EBF4: variants seen among roughly 807,000 people sequenced by gnomAD.
EBF4 encodes EBF transcription factor 4, also known as transcription factor COE4.
In EBF4, 34 loss-of-function variants were observed where a neutral mutation model predicts 67.1. The observed-to-expected ratio is 0.51, with a 90% CI of 0.39 to 0.67. The LOEUF (loss-of-function observed/expected upper bound fraction) is 0.67, where lower values mean the gene tolerates loss of function less well. Ranked by LOEUF, EBF4 falls within the 30% of genes least tolerant of loss-of-function variation. The pLI, the probability that EBF4 is intolerant of heterozygous loss-of-function variation, is 0.00. For missense variants in EBF4, 837 were observed against 873.3 expected (o/e 0.96, Z 0.52); for synonymous variants, 387 against 377.7 (o/e 1.02, Z -0.29).
Position 2,751,680 on chromosome 20 carries a change from A to G in EBF4, c.1019-20A>G. On this transcript the variant is annotated intron_variant, in intron 10 of 16. Coordinates refer to ENST00000609451, the Ensembl canonical transcript of EBF4. The surrounding 1 kb of genome is among the most constrained non-coding windows in gnomAD (Gnocchi z 5.2). ...GGGGCTGCGGGGGAGACGTCCTCCAAACGCCGCCCCCTTCCCCAGCTCTGA... is the reference window on the plus strand; with the variant it reads ...GGGGCTGCGGGGGAGACGTCCTCCAGACGCCGCCCCCTTCCCCAGCTCTGA... The G allele has an allele frequency of 6.5e-7, 1 of 1,549,980 alleles. No individual in the cohort carries two copies. The highest frequency in any genetic ancestry group is 8.7e-7 in the Non-Finnish European group (1 of 1,146,438).
chr20:2,695,776 C>G (rs538290389), intron 1 of EBF4, among the ~76,000 whole-genome samples: 7 of 152,362 alleles, frequency 4.6e-5, no homozygotes, highest in Admixed American at 2.0e-4. Context: ...GGCCCTGCCT[C>G]CGCCTTCATC....
intron 6 of EBF4, among the ~76,000 whole-genome samples, chr20:2,733,286 TATATATG>T (rs1443545250): frequency 3.3e-5 from 5 of 152,194 alleles, no homozygotes; most frequent in African/African-American, 1.2e-4. Context: ...AAGGATTCCT[TATATATG>T]ACGAGTTACT....
chr20:2,736,762 G>A (rs1568580532), intron 6 of EBF4, among the ~76,000 whole-genome samples: 2 of 152,176 alleles, frequency 1.3e-5, no homozygotes, highest in Non-Finnish European at 2.9e-5. Flanking sequence ...GAGAAGCAGA[G>A]GGGGTTCAAG....
In EBF4 at chr20:2,739,983, G is replaced by C. The variant is rs2087944157; in HGVS notation, c.558-8566G>C. ...TTTCTAGATCTGCACTGTCCAATAT[G>C]GTAGTCTCGAGCCACATGTGACTAT... On this transcript the variant is annotated intron_variant, in intron 6 of 16. Transcript: ENST00000609451. This position sits in a 1 kb window ranked among gnomAD's most constrained non-coding sequence, Gnocchi z 4.5. 6.6e-6 allele frequency among the ~76,000 whole-genome samples: 1 copy of C among 152,194 alleles called. No individual in the cohort carries two copies. Among genetic ancestry groups the C allele is most frequent in the South Asian group, 2.1e-4 (1 of 4,834 alleles).
At chr20:2,700,267 A>AT (rs1181502025) in intron 1 of EBF4, among the ~76,000 whole-genome samples, 1 of 151,552 alleles carries the variant, frequency 6.6e-6, no homozygotes, top group Non-Finnish European at 1.5e-5. Flanking sequence ...GTGTTTCCGA[A>AT]TCACTGCCCA....
intron 6 of EBF4, among the ~76,000 whole-genome samples, chr20:2,732,413 C>T (rs1473692002): frequency 4.6e-5 from 7 of 152,234 alleles, no homozygotes; most frequent in Non-Finnish European, 7.3e-5. Flanking sequence ...TGAGCCACCA[C>T]ACCCGGACTG....
intron 14 of EBF4, among the ~76,000 whole-genome samples, chr20:2,752,882 A>AC (rs1455144424): frequency 1.3e-5 from 2 of 152,150 alleles, no homozygotes; most frequent in Non-Finnish European, 2.9e-5. Flanking sequence ...AACCTGGGAC[A>AC]CCGCCCCCTT....
rs2088142788 is a variant in EBF4 at position 2,751,387 on chromosome 20, A to G, written c.1019-313A>G. 6.6e-6 allele frequency among the ~76,000 whole-genome samples: 1 copy of G among 152,216 alleles called. No individual in the cohort carries two copies. Among genetic ancestry groups the G allele is most frequent in the African/African-American group, 2.4e-5 (1 of 41,450 alleles). On this transcript the variant is annotated intron_variant, in intron 10 of 16. Transcript: ENST00000609451. The surrounding 1 kb of genome is among the most constrained non-coding windows in gnomAD (Gnocchi z 5.2). Reference sequence around the variant, plus strand: ...AGTCCTGCCCTTAGGACTATAACTCATATGTGTATACGGTTTCCCTTTTTT... The same window carrying G: ...AGTCCTGCCCTTAGGACTATAACTCGTATGTGTATACGGTTTCCCTTTTTT...
At chr20:2,708,120 C>A in intron 5 of EBF4, 100 bp downstream of exon 5, 3 of 1,246,420 alleles carry the variant, frequency 2.4e-6, no homozygotes, top group Non-Finnish European at 2.2e-6. Context: ...CCTGGCTGCT[C>A]TCTGCTGCTG....
chr20:2,707,597 G>A lies in EBF4; in HGVS notation c.415-350G>A, dbSNP rs752979432. 5.2e-4 allele frequency among the ~76,000 whole-genome samples: 79 copies of A among 152,030 alleles called. No homozygotes were observed. The highest frequency in any genetic ancestry group is 7.5e-4 in the Non-Finnish European group (51 of 67,982). ...AGGAGGATGCTGGGGGAGGGGAGGG[G>A]CCTGGTGCTGGGTGGGCACAGGAGT... On this transcript the variant is annotated intron_variant, in intron 4 of 16. Transcript: ENST00000609451. The surrounding 1 kb of genome is among the most constrained non-coding windows in gnomAD (Gnocchi z 4.6).
intron 6 of EBF4, among the ~76,000 whole-genome samples, chr20:2,713,202 A>G (rs1447792719): frequency 6.6e-6 from 1 of 152,210 alleles, no homozygotes; most frequent in African/African-American, 2.4e-5. Context: ...TTGCTGAAGC[A>G]ATATCCTTCA....
chr20:2,709,592 G>A (rs759395586), exon 6 of EBF4: 5 of 1,558,002 alleles, frequency 3.2e-6, no homozygotes, highest in Non-Finnish European at 3.5e-6. Context: ...GTGACCGGAA[G>A]AGCTGTGGCA....
At chr20:2,754,976 C>CCT (rs1555789868) in intron 14 of EBF4, 2 of 114,684 alleles carry the variant, frequency 1.7e-5, no homozygotes, top group African/African-American at 5.7e-5. Context: ...GACCACCCCC[C>CCT]CCCACAGGGC....
At chr20:2,754,691 G>T (rs2088209017) in intron 14 of EBF4, among the ~76,000 whole-genome samples, 1 of 152,178 alleles carries the variant, frequency 6.6e-6, no homozygotes, top group African/African-American at 2.4e-5. Context: ...TCAGATCACA[G>T]CCTTACCAGT....
chr20:2,706,904 G>A lies in EBF4; in HGVS notation c.414+640G>A, dbSNP rs547979712. Among the ~76,000 whole-genome samples, 5 of 152,312 alleles carry A rather than the reference G, an allele frequency of 3.3e-5. No homozygotes were observed. The East Asian group carries it at 5.8e-4, about 18-fold the overall frequency. The stretch of plus-strand genomic sequence containing the variant: ...TGCACCTTGCTGATGTGACGGTTAC[G>A]GGAAGGAGGCTCAGAGGCCAGCACA... On this transcript the variant is annotated intron_variant, in intron 4 of 16. Transcript: ENST00000609451.
At chr20:2,727,740 T>C (rs1321072089) in intron 6 of EBF4, among the ~76,000 whole-genome samples, 2 of 152,228 alleles carry the variant, frequency 1.3e-5, no homozygotes, top group African/African-American at 4.8e-5. Flanking sequence ...TTATCATCTT[T>C]TTTATAGTAG....
rs1232273303 is a variant in EBF4 at position 2,747,211 on chromosome 20, T to G, written c.558-1338T>G. Among the ~76,000 whole-genome samples the G allele has an allele frequency of 6.6e-6, 1 of 151,306 alleles. No individual in the cohort carries two copies. Among genetic ancestry groups the G allele is most frequent in the African/African-American group, 2.4e-5 (1 of 41,070 alleles). ...CCCTGTAACTCGGGAAGCCAAGGGC[T>G]GAGGCAGGGACAATTGCTTGAACCC... is the stretch of plus-strand genomic sequence containing the variant. On this transcript the variant is annotated intron_variant, in intron 6 of 16. Coordinates refer to ENST00000609451, the Ensembl canonical transcript of EBF4. This position sits in a 1 kb window ranked among gnomAD's most constrained non-coding sequence, Gnocchi z 4.6.
rs535079484 is a variant in EBF4 at position 2,709,638 on chromosome 20, G to A, written c.553G>A (p.Asp185Asn). The A allele has an allele frequency of 3.1e-5, 48 of 1,551,660 alleles. 1 individual carries two copies. In the African/African-American group the frequency reaches 5.9e-4, roughly 19 times the overall value. ...GACGCCCTCAGACCCCGTCATCATT[G>A]ACAGGTACAGGCTCAGGGAGGGGGC... Residue 185 changes from aspartate (D) to asparagine (N), a missense_variant, in exon 6 of 17, where the codon GAC (aspartate) becomes AAC (asparagine). Physicochemically the swap from Asp to Asn is conservative, Grantham distance 23. Around this residue, in one of 3 missense-constraint regions of EBF4, gnomAD observed 226 missense variants for 306.5 expected, o/e 0.74. Coordinates refer to ENST00000609451, the Ensembl canonical transcript of EBF4.
chr20:2,749,994 G>C, intron 10 of EBF4, 21 bp downstream of exon 10: 1 of 1,542,352 alleles, frequency 6.5e-7, no homozygotes, highest in Non-Finnish European at 8.8e-7. Context: ...GGGCGGGGGA[G>C]TGGAGGTCTA....
Sources: gnomAD v4.1 joint callset for allele counts (sites outside exome capture counted in the v4.1 genomes callset) on GRCh38, gnomAD v4.1.1 for gene constraint, gnomAD v4.1.1 regional missense constraint, Gnocchi (gnomAD v3.1) non-coding constraint, MANE v1.5 for transcripts, NCBI Gene and HGNC (gene_info 2026-07-23, HGNC 2026-07-21) for gene names.